Variants in TNFRSF10B observed in about 807,000 individuals in gnomAD.
TNFRSF10B encodes the protein tumor necrosis factor receptor superfamily member 10B.
TNFRSF10B carries 35 observed loss-of-function variants against 41.4 expected under a neutral mutation model. The observed-to-expected ratio is 0.85, with a 90% CI of 0.65 to 1.12. The LOEUF (loss-of-function observed/expected upper bound fraction) is 1.12, where lower values mean the gene tolerates loss of function less well. Ranked by LOEUF, TNFRSF10B falls within the 50% of genes most tolerant of loss-of-function variation. The pLI is 0.00. For missense variants in TNFRSF10B, 584 were observed against 552.7 expected, an observed-to-expected ratio of 1.06 and a Z score of -0.57; for synonymous variants, 230 against 215.5, an observed-to-expected ratio of 1.07 and a Z score of -0.59.
intron 1 of TNFRSF10B, among the ~76,000 whole-genome samples, chr8:23,044,705 A>C (rs1032063269): frequency 1.3e-5 from 2 of 152,146 alleles, no homozygotes; most frequent in Non-Finnish European, 2.9e-5. Flanking sequence ...TACAAGACTT[A>C]ATGTTGTACC....
At chr8:23,067,620 A>C (rs951495082) in intron 1 of TNFRSF10B, among the ~76,000 whole-genome samples, 7 of 152,106 alleles carry the variant, frequency 4.6e-5, no homozygotes, top group Non-Finnish European at 8.8e-5. Flanking sequence ...GCCCCTGTAC[A>C]CTCTCCTCAC....
chr8:23,022,905 G>A lies in TNFRSF10B; in HGVS notation c.1089C>T (p.Leu363=). The A allele has an allele frequency of 3.7e-6, 6 of 1,614,046 alleles. No individual in the cohort carries two copies. The highest frequency in any genetic ancestry group is 5.1e-6 in the Non-Finnish European group (6 of 1,180,006). ...SWEPLMRKLG[L]MDNEIKVAKA... is the part of the protein sequence containing the mutation. ...TAGCCACCTTTATCTCATTGTCCAT[G>A]AGGCCCAACTTCCTCATGAGCGGCT... The change falls in exon 9 of 9, where the codon CTC becomes CTT. Residue 363 remains leucine, a synonymous_variant. Transcript: ENST00000276431.
chr8:23,050,982 G>A (rs1004480597), intron 1 of TNFRSF10B, among the ~76,000 whole-genome samples: 1 of 152,202 alleles, frequency 6.6e-6, no homozygotes, highest in East Asian at 1.9e-4. Flanking sequence ...GCTGAGGCAC[G>A]AGAATTGCTT....
intron 7 of TNFRSF10B, among the ~76,000 whole-genome samples, chr8:23,025,587 C>T (rs187032945): frequency 1.3e-4 from 19 of 151,902 alleles, no homozygotes; most frequent in African/African-American, 4.3e-4. Flanking sequence ...ATGTCAATAC[C>T]ACATAAATAC....
intron 2 of TNFRSF10B, among the ~76,000 whole-genome samples, chr8:23,031,913 T>TATTG (rs58469567): frequency 7.5e-6 from 1 of 133,806 alleles, no homozygotes; most frequent in African/African-American, 2.9e-5. Context: ...TGCAGTAGCA[T>TATTG]TTTTTTTTTT....
intron 1 of TNFRSF10B, among the ~76,000 whole-genome samples, chr8:23,061,953 G>A (rs1167537645): frequency 2.6e-5 from 4 of 152,146 alleles, no homozygotes; most frequent in Non-Finnish European, 5.9e-5. Context: ...TTTTGTTGAA[G>A]ATTTTTGCAT....
intron 1 of TNFRSF10B, among the ~76,000 whole-genome samples, chr8:23,067,432 T>A (rs775430981): frequency 6.8e-6 from 1 of 147,970 alleles, no homozygotes; most frequent in Non-Finnish European, 1.5e-5. Flanking sequence ...ATCCAAAAAA[T>A]TCTTTATAGA....
At chr8:23,040,854 C>G (rs867857156) in intron 2 of TNFRSF10B, among the ~76,000 whole-genome samples, 31 of 152,116 alleles carry the variant, frequency 2.0e-4, no homozygotes, top group Non-Finnish European at 3.2e-4. Context: ...ATGTAAGTAT[C>G]ATACATAATC....
chr8:23,029,726 C>A lies in TNFRSF10B; in HGVS notation c.365-5G>T. ...AGGGACTTAGCTCCACTTCACCTGA[C>A]GACAGAGCATAAGGTTTTGGGAATG... On this transcript the variant is annotated splice_region_variant and splice_polypyrimidine_tract_variant and intron_variant, in intron 3 of 8. Transcript: ENST00000276431. 1 of 1,612,210 alleles carries A rather than the reference C, an allele frequency of 6.2e-7. No individual in the cohort carries two copies. Among genetic ancestry groups the A allele is most frequent in the Non-Finnish European group, 8.5e-7 (1 of 1,179,260 alleles).
In TNFRSF10B at chr8:23,022,159, C is replaced by T. The variant is rs1281611341; in HGVS notation, c.*512G>A. Reference sequence around the variant, plus strand: ...CCTGTGGTCCCAGCTATTTGGATGGCTGAGGTGGGAGAATCGCTTGAGCCT... The same window carrying T: ...CCTGTGGTCCCAGCTATTTGGATGGTTGAGGTGGGAGAATCGCTTGAGCCT... On this transcript the variant is annotated 3_prime_UTR_variant, in exon 9 of 9. Transcript: ENST00000276431. The T allele has an allele frequency of 4.5e-6, 2 of 448,460 alleles. No individual in the cohort carries two copies. The highest frequency in any genetic ancestry group is 3.1e-5 in the South Asian group (2 of 63,732). 27.8% of individuals were successfully genotyped at this position (448,460 alleles called of 1,614,324 possible).
rs1415052149 is a variant in TNFRSF10B, at chr8:23,030,891, G to A, written c.251-19C>T. On this transcript the variant is annotated intron_variant, in intron 2 of 8. Transcript: ENST00000276431. ...TGGTGTCCTGGGAGGGGAGAGAAAA[G>A]CCGGTGAATGAAATGCCACAGGATT... The A allele has an allele frequency of 6.4e-7, 1 of 1,573,274 alleles. No individual in the cohort carries two copies. The highest frequency in any genetic ancestry group is 1.7e-5 in the Admixed American group (1 of 57,248).
At chr8:23,067,434 C>A (rs961480328) in intron 1 of TNFRSF10B, among the ~76,000 whole-genome samples, 5 of 147,000 alleles carry the variant, frequency 3.4e-5, no homozygotes, top group African/African-American at 1.2e-4. Flanking sequence ...CCAAAAAATT[C>A]TTTATAGAGA....
chr8:23,027,429 C>T, intron 6 of TNFRSF10B, 141 bp from the exon 7 acceptor site: 1 of 1,053,932 alleles, frequency 9.5e-7, no homozygotes, highest in Non-Finnish European at 1.4e-6. Flanking sequence ...AGACTCAGCA[C>T]ATCCAGGACC....
Position 23,021,889 on chromosome 8 carries a change from C to A in TNFRSF10B, c.*782G>T, listed in dbSNP as rs1292506280. 1.8e-5 allele frequency: 8 copies of A among 453,970 alleles called. No individual in the cohort carries two copies. The highest frequency in any genetic ancestry group is 1.2e-4 in the African/African-American group (6 of 49,994). 28.1% of individuals were successfully genotyped at this position (453,970 alleles called of 1,614,324 possible). On this transcript the variant is annotated 3_prime_UTR_variant, in exon 9 of 9. Transcript: ENST00000276431. Reference sequence around the variant, plus strand: ...TCCTTTTATGTTTATCTAATCTATTCACATAACTATGTAAACAAGTACATT... The same window carrying A: ...TCCTTTTATGTTTATCTAATCTATTAACATAACTATGTAAACAAGTACATT...
At chr8:23,028,280 A>AG (rs764715716) in intron 5 of TNFRSF10B, 51 bp downstream of exon 5, 1 of 1,605,698 alleles carries the variant, frequency 6.2e-7, no homozygotes, top group Non-Finnish European at 8.5e-7. Flanking sequence ...ATAGGGTGGG[A>AG]GGGGGCAGGG....
chr8:23,035,816 C>A (rs1277592265), intron 2 of TNFRSF10B, among the ~76,000 whole-genome samples: 1 of 152,174 alleles, frequency 6.6e-6, no homozygotes, highest in Non-Finnish European at 1.5e-5. Flanking sequence ...GCAACATATT[C>A]CTCATTTGGG....
At chr8:23,056,305 AAGT>A (rs1297466671) in intron 1 of TNFRSF10B, among the ~76,000 whole-genome samples, 1 of 152,194 alleles carries the variant, frequency 6.6e-6, no homozygotes, top group Non-Finnish European at 1.5e-5. Flanking sequence ...CTACTATAAT[AAGT>A]AGATTTACTT....
rs1247616417 is a variant in TNFRSF10B at position 23,065,362 on chromosome 8, C to T, written c.144+3389G>A. On this transcript the variant is annotated intron_variant, in intron 1 of 8. Coordinates refer to ENST00000276431, the MANE Select transcript of TNFRSF10B (RefSeq NM_003842.5). Reference sequence around the variant, plus strand: ...CTCTGTTGAGAACCACAGGCAGGAACTCCCAGAGGCCAAGTGCAGGGCAGA... The same window carrying T: ...CTCTGTTGAGAACCACAGGCAGGAATTCCCAGAGGCCAAGTGCAGGGCAGA... Among the ~76,000 whole-genome samples the T allele has an allele frequency of 3.3e-5, 5 of 152,340 alleles. No homozygotes were observed. In the East Asian group the frequency reaches 9.6e-4, roughly 29 times the overall value.
chr8:23,063,544 T>A (rs1812894531), intron 1 of TNFRSF10B, among the ~76,000 whole-genome samples: 1 of 152,246 alleles, frequency 6.6e-6, no homozygotes, highest in South Asian at 2.1e-4. Flanking sequence ...CACCCAAGTC[T>A]CAGATTAGAA....
Sources: gnomAD v4.1 joint callset for allele counts (sites outside exome capture counted in the v4.1 genomes callset) on GRCh38, gnomAD v4.1.1 for gene constraint, MANE v1.5 for transcripts, NCBI Gene and HGNC (gene_info 2026-07-23, HGNC 2026-07-21) for gene names.